The following ADAMTS15 variants were observed in gnomAD, a reference collection of about 807,000 sequenced individuals.
ADAMTS15 encodes ADAM metallopeptidase with thrombospondin type 1 motif 15, also known as A disintegrin and metalloproteinase with thrombospondin motifs 15.
In ADAMTS15, 35 loss-of-function variants were observed where a neutral mutation model predicts 79.1. That is an observed-to-expected ratio of 0.44 (90% CI 0.34 to 0.59). The LOEUF is 0.59. Among genes scored for constraint, ADAMTS15 ranks in the 20% least tolerant of loss-of-function variants. The pLI, the probability that ADAMTS15 is intolerant of heterozygous loss-of-function variation, is 0.02. For synonymous variants in ADAMTS15, 616 were observed against 567.3 expected, an observed-to-expected ratio of 1.09 and a Z score of -1.22; for missense variants, 1,324 against 1,318.7, an observed-to-expected ratio of 1.00 and a Z score of -0.06.
chr11:130,460,423 C>T (rs1938175889), intron 1 of ADAMTS15, among the ~76,000 whole-genome samples: 1 of 152,060 alleles, frequency 6.6e-6, no homozygotes, highest in Admixed American at 6.6e-5. Context: ...ATTACAGGCA[C>T]CTGCCACCAT....
chr11:130,465,781 G>GTCC (rs145681931), intron 4 of ADAMTS15, among the ~76,000 whole-genome samples: 3,678 of 151,884 alleles, frequency 0.024, 153 homozygotes, highest in African/African-American at 0.084. Flanking sequence ...CCTCTCGGTT[G>GTCC]TCCTCCTCCT....
At chr11:130,450,391 G>T in intron 1 of ADAMTS15, 1 of 985,460 alleles carries the variant, frequency 1.0e-6, no homozygotes, top group Non-Finnish European at 1.2e-6. Flanking sequence ...GGTGATCCAA[G>T]GTCAGCGCTT....
intron 5 of ADAMTS15, 61 bp from the exon 6 acceptor site, chr11:130,470,859 G>C: frequency 6.5e-7 from 1 of 1,547,814 alleles, no homozygotes. Flanking sequence ...AGGGAGGCTT[G>C]TCCTTTGCAC....
chr11:130,450,078 A>G (rs1008472920), intron 1 of ADAMTS15, 148 bp downstream of exon 1: 18 of 1,455,432 alleles, frequency 1.2e-5, no homozygotes, highest in Middle Eastern at 2.2e-4. Flanking sequence ...TGGAGTTTCC[A>G]GGGAGAGCCC....
intron 5 of ADAMTS15, among the ~76,000 whole-genome samples, chr11:130,470,125 T>TAC (rs1938391809): frequency 1.0e-5 from 1 of 96,394 alleles, no homozygotes; most frequent in African/African-American, 5.4e-5. Flanking sequence ...GAATCATATA[T>TAC]ATATATACAT....
At chr11:130,461,739 A>G in intron 2 of ADAMTS15, 118 bp downstream of exon 2, 1 of 1,419,746 alleles carries the variant, frequency 7.0e-7, no homozygotes, top group South Asian at 1.3e-5. Context: ...TTCTTAGGGC[A>G]CAGTGAGCCT....
chr11:130,450,298 G>A (rs1937937785), intron 1 of ADAMTS15: 1 of 985,348 alleles, frequency 1.0e-6, no homozygotes, highest in Non-Finnish European at 1.2e-6. Context: ...GGAGAGGGCG[G>A]GAACGGCCCA....
intron 4 of ADAMTS15, among the ~76,000 whole-genome samples, chr11:130,463,404 A>G (rs1238612820): frequency 6.6e-6 from 1 of 152,230 alleles, no homozygotes; most frequent in African/African-American, 2.4e-5. Context: ...AGAATGCCAA[A>G]TATTCTCTGT....
rs2134724567 is a variant in ADAMTS15, at chr11:130,459,883, C to T, written c.958-1606C>T. Among the ~76,000 whole-genome samples the T allele has an allele frequency of 2.6e-5, 4 of 152,364 alleles. No individual in the cohort carries two copies. The South Asian group carries it at 8.3e-4, about 32-fold the overall frequency. ...CCTGGCTCCCTGCGCTGTGCTGCTG[C>T]CCACCTTCGCCCCTTGCCAGCATGT... On this transcript the variant is annotated intron_variant, in intron 1 of 7. Transcript: ENST00000299164.
In ADAMTS15 at chr11:130,473,596, T is replaced by C. The variant is rs1444949814; in HGVS notation, c.2628T>C (p.Pro876=). The part of the protein sequence containing the change: ...CRGSAGQRTV[P]ACDAAHRPVE... ...GCTCCGCCGGGCAGCGCACGGTCCC[T>C]GCCTGTGATGCAGCCCATCGGCCCG... The change falls in exon 8 of 8, where the codon CCT becomes CCC. Residue 876 remains proline, a synonymous_variant. Transcript: ENST00000299164. 18 of 1,609,690 alleles carry C rather than the reference T, an allele frequency of 1.1e-5. No individual in the cohort carries two copies. In the Middle Eastern group the frequency reaches 9.9e-4, roughly 88 times the overall value.
rs996818087 is a variant in ADAMTS15 at position 130,472,606 on chromosome 11, G to C, written c.2079-441G>C. On this transcript the variant is annotated intron_variant, in intron 7 of 7. Coordinates refer to ENST00000299164, the MANE Select transcript of ADAMTS15 (RefSeq NM_139055.4). The surrounding 1 kb of genome is among the most constrained non-coding windows in gnomAD (Gnocchi z 4.7). ...GCTGGATCTGCGTCCCTGCCTCCAG[G>C]GCCAGTGTCCTCTCACTGCATTGAG... Among the ~76,000 whole-genome samples, 1 of 152,130 alleles carries C rather than the reference G, an allele frequency of 6.6e-6. No homozygotes were observed. The highest frequency in any genetic ancestry group is 2.4e-5 in the African/African-American group (1 of 41,412).
rs1358040133 is a variant in ADAMTS15 at position 130,476,289 on chromosome 11, G to C, written c.*2468G>C. 6.6e-6 allele frequency: 1 copy of C among 152,164 alleles called. No individual in the cohort carries two copies. Among genetic ancestry groups the C allele is most frequent in the Non-Finnish European group, 1.5e-5 (1 of 68,048 alleles). The allele number at this position is 152,164 out of a possible 1,614,324, so 9.4% of individuals were successfully genotyped here. On this transcript the variant is annotated 3_prime_UTR_variant, in exon 8 of 8. Coordinates refer to ENST00000299164, the MANE Select transcript of ADAMTS15 (RefSeq NM_139055.4). ...AGGGGGATGGACCAATACAGCTTTG[G>C]GCTCAGGATTCCCTAGCCTCCTCTG...
chr11:130,472,810 G>A lies in ADAMTS15; in HGVS notation c.2079-237G>A, dbSNP rs968591496. ...TCAGTCCTCCCTGCAATTCAGTGAGGTGTGTGGAATTCTGAGCTCCACTTT... is the reference window on the plus strand; with the variant it reads ...TCAGTCCTCCCTGCAATTCAGTGAGATGTGTGGAATTCTGAGCTCCACTTT... On this transcript the variant is annotated intron_variant, in intron 7 of 7. Coordinates refer to ENST00000299164, the MANE Select transcript of ADAMTS15 (RefSeq NM_139055.4). This position sits in a 1 kb window ranked among gnomAD's most constrained non-coding sequence, Gnocchi z 4.7. 6.6e-6 allele frequency among the ~76,000 whole-genome samples: 1 copy of A among 152,198 alleles called. No homozygotes were observed. The highest frequency in any genetic ancestry group is 1.5e-5 in the Non-Finnish European group (1 of 68,046).
At chr11:130,453,182 G>C (rs1474694154) in intron 1 of ADAMTS15, among the ~76,000 whole-genome samples, 1 of 152,060 alleles carries the variant, frequency 6.6e-6, no homozygotes, top group South Asian at 2.1e-4. Context: ...CTGCGGAGTC[G>C]GGGCTGGGGA....
intron 1 of ADAMTS15, among the ~76,000 whole-genome samples, chr11:130,459,969 G>A (rs762614113): frequency 6.6e-5 from 10 of 152,188 alleles, no homozygotes; most frequent in Non-Finnish European, 1.3e-4. Context: ...ATGCTTCTTT[G>A]CCTGTGGAAG....
At position 130,469,354 on chromosome 11, in the gene ADAMTS15, C is replaced by T; in HGVS notation, c.1635C>T (p.Asn545=). Residue 545 remains asparagine (N), a synonymous_variant, in exon 5 of 8, where the codon AAC becomes AAT. Coordinates refer to ENST00000299164, the MANE Select transcript of ADAMTS15 (RefSeq NM_139055.4). ...GVQLARRQCT[N]PTPANGGKYC... ...AGCTGGCCAGGAGGCAGTGCACCAA[C>T]CCCACCCCTGCCAACGGGGGCAAGT... The T allele has an allele frequency of 7.4e-7, 1 of 1,359,642 alleles. No individual in the cohort carries two copies. The highest frequency in any genetic ancestry group is 9.5e-7 in the Non-Finnish European group (1 of 1,047,590). 84.2% of individuals were successfully genotyped at this position (1,359,642 alleles called of 1,614,324 possible).
In ADAMTS15 at chr11:130,472,941, C is replaced by A; in HGVS notation, c.2079-106C>A. 6.7e-7 allele frequency: 1 copy of A among 1,491,322 alleles called. No homozygotes were observed. Among genetic ancestry groups the A allele is most frequent in the Non-Finnish European group, 9.1e-7 (1 of 1,102,430 alleles). 92.4% of individuals were successfully genotyped at this position (1,491,322 alleles called of 1,614,324 possible). ...CAAAACCTGTGCTTTTACTCCCATG[C>A]CAGAATTCACCGAAAGCTAGGTTTA... On this transcript the variant is annotated intron_variant, in intron 7 of 7. Transcript: ENST00000299164. This position sits in a 1 kb window ranked among gnomAD's most constrained non-coding sequence, Gnocchi z 4.7.
intron 1 of ADAMTS15, 113 bp downstream of exon 1, chr11:130,450,043 T>G: frequency 2.6e-6 from 4 of 1,510,996 alleles, no homozygotes; most frequent in East Asian, 2.3e-5. Context: ...TTAAACCTCG[T>G]TGATCTCTTC....
chr11:130,458,705 C>T (rs78719386), intron 1 of ADAMTS15, among the ~76,000 whole-genome samples: 5,127 of 152,220 alleles, frequency 0.034, 149 homozygotes, highest in East Asian at 0.16. Flanking sequence ...GGGCCAGGAC[C>T]GGAATCTAGA....
Sources: gnomAD v4.1 joint callset for allele counts (sites outside exome capture counted in the v4.1 genomes callset) on GRCh38, gnomAD v4.1.1 for gene constraint, Gnocchi (gnomAD v3.1) non-coding constraint, MANE v1.5 for transcripts, NCBI Gene and HGNC (gene_info 2026-07-23, HGNC 2026-07-21) for gene names.